TTC28: variants seen among roughly 807,000 people sequenced by gnomAD.
TTC28 encodes tetratricopeptide repeat protein 28.
A neutral mutation model predicts 198.0 loss-of-function variants in TTC28; 61 were observed. The observed-to-expected ratio is 0.31, with a 90% CI of 0.25 to 0.38. The LOEUF (loss-of-function observed/expected upper bound fraction) is 0.38, where lower values mean the gene tolerates loss of function less well. TTC28 is among the 10% of genes least tolerant of loss of function. The pLI, the probability that TTC28 is intolerant of heterozygous loss-of-function variation, is 1.00. For missense variants in TTC28, 2,678 were observed against 3,164.0 expected, an observed-to-expected ratio of 0.85 and a Z score of 3.69; for synonymous variants, 1,171 against 1,297.8, an observed-to-expected ratio of 0.90 and a Z score of 2.10.
chr22:28,633,620 C>T (rs1017671719), intron 1 of TTC28, among the ~76,000 whole-genome samples: 5 of 152,194 alleles, frequency 3.3e-5, no homozygotes, highest in African/African-American at 1.2e-4. Flanking sequence ...CAAGCAAGAC[C>T]CTGTCTCAGA....
intron 6 of TTC28, among the ~76,000 whole-genome samples, chr22:28,132,027 T>C (rs758744312): frequency 9.2e-5 from 14 of 152,214 alleles, no homozygotes; most frequent in Middle Eastern, 3.4e-3. Flanking sequence ...AGGCAAACCA[T>C]TGGTGTTGTG....
intron 2 of TTC28, among the ~76,000 whole-genome samples, chr22:28,552,363 C>T (rs1003659730): frequency 2.0e-5 from 3 of 151,936 alleles, no homozygotes; most frequent in African/African-American, 4.8e-5. Flanking sequence ...TAAATCTTCA[C>T]GGAACGAGAA....
intron 10 of TTC28, among the ~76,000 whole-genome samples, chr22:28,097,363 T>A (rs1942008506): frequency 6.6e-6 from 1 of 152,212 alleles, no homozygotes; most frequent in Non-Finnish European, 1.5e-5. Flanking sequence ...AGTAATGTTG[T>A]TGGAGCTGAT....
At chr22:28,286,389 TA>T (rs1274342425) in intron 5 of TTC28, among the ~76,000 whole-genome samples, 2 of 152,176 alleles carry the variant, frequency 1.3e-5, no homozygotes, top group Non-Finnish European at 2.9e-5. Flanking sequence ...TTAAACAATA[TA>T]AAAAATTAAT....
chr22:28,010,234 T>C (rs35098100), intron 14 of TTC28, among the ~76,000 whole-genome samples: 5,731 of 152,302 alleles, frequency 0.038, 175 homozygotes, highest in South Asian at 0.055. Flanking sequence ...CTTTTCCCAG[T>C]GTATAAAGGC....
At chr22:28,446,482 G>A (rs1181806672) in intron 2 of TTC28, among the ~76,000 whole-genome samples, 1 of 152,110 alleles carries the variant, frequency 6.6e-6, no homozygotes, top group African/African-American at 2.4e-5. Context: ...TCATGGGGCT[G>A]GATCCCTCAT....
intron 2 of TTC28, among the ~76,000 whole-genome samples, chr22:28,328,562 T>C (rs1181519755): frequency 2.0e-5 from 3 of 151,712 alleles, no homozygotes; most frequent in African/African-American, 7.3e-5. Context: ...AAGACCAGCC[T>C]GGCCAACCCG....
At chr22:28,658,101 A>G (rs1168761243) in intron 1 of TTC28, among the ~76,000 whole-genome samples, 2 of 152,218 alleles carry the variant, frequency 1.3e-5, no homozygotes, top group Non-Finnish European at 2.9e-5. Context: ...CAAAAGGCCA[A>G]TGTTAAAATA....
chr22:28,396,372 T>G (rs768104659), intron 2 of TTC28, among the ~76,000 whole-genome samples: 4 of 152,222 alleles, frequency 2.6e-5, no homozygotes, highest in South Asian at 4.1e-4. Context: ...CCACTGGCTG[T>G]CTGTTCATAC....
chr22:28,391,731 T>TTA (rs1051049425), intron 2 of TTC28, among the ~76,000 whole-genome samples: 1 of 152,218 alleles, frequency 6.6e-6, no homozygotes, highest in Non-Finnish European at 1.5e-5. Context: ...GTTATTCTAG[T>TTA]TATACGTTCT....
At chr22:28,000,160 A>C (rs1257961101) in intron 15 of TTC28, 1 of 152,206 alleles carries the variant, frequency 6.6e-6, no homozygotes, top group East Asian at 1.9e-4. Context: ...TGGGATTCAG[A>C]ATCAGCTATG....
chr22:28,080,943 G>T (rs996398813), intron 12 of TTC28, among the ~76,000 whole-genome samples: 1 of 151,994 alleles, frequency 6.6e-6, no homozygotes, highest in Non-Finnish European at 1.5e-5. Context: ...TGAAGAAATT[G>T]TTCTCTCCCC....
chr22:28,187,038 G>T (rs1300996443), intron 5 of TTC28, among the ~76,000 whole-genome samples: 1 of 152,178 alleles, frequency 6.6e-6, no homozygotes, highest in Non-Finnish European at 1.5e-5. Flanking sequence ...ATAAAGAACA[G>T]GAGGGTAAAT....
chr22:28,135,455 G>A (rs749407765), intron 6 of TTC28, among the ~76,000 whole-genome samples: 3 of 152,112 alleles, frequency 2.0e-5, no homozygotes, highest in Admixed American at 6.5e-5. Context: ...GGAGTAAAAC[G>A]CCAGAGCTAG....
At chr22:28,525,325 A>G (rs974265759) in intron 2 of TTC28, among the ~76,000 whole-genome samples, 6 of 152,018 alleles carry the variant, frequency 3.9e-5, no homozygotes, top group Non-Finnish European at 8.8e-5. Context: ...GCTAACTTTT[A>G]TATTATTTTA....
chr22:28,189,881 G>A (rs2057455064), intron 5 of TTC28, among the ~76,000 whole-genome samples: 1 of 152,106 alleles, frequency 6.6e-6, no homozygotes, highest in Non-Finnish European at 1.5e-5. Context: ...AAAAAAGAGT[G>A]CCATCATAAT....
At chr22:28,572,465 G>C (rs2050079128) in intron 2 of TTC28, among the ~76,000 whole-genome samples, 1 of 152,132 alleles carries the variant, frequency 6.6e-6, no homozygotes, top group South Asian at 2.1e-4. Context: ...GATTGAAAAT[G>C]AACAAATTAT....
At chr22:28,062,413 CTTTT>C (rs57398979) in intron 12 of TTC28, among the ~76,000 whole-genome samples, 30 of 102,312 alleles carry the variant, frequency 2.9e-4, no homozygotes, top group African/African-American at 9.5e-4. Context: ...TTTAACTCTT[CTTTT>C]TTTTTTTTTT....
chr22:28,087,482 C>T (rs957087473), intron 12 of TTC28, among the ~76,000 whole-genome samples: 2 of 152,100 alleles, frequency 1.3e-5, no homozygotes, highest in African/African-American at 4.8e-5. Flanking sequence ...TAAAAAGTCT[C>T]AATAAATTAG....
Sources: gnomAD v4.1 joint callset for allele counts (sites outside exome capture counted in the v4.1 genomes callset) on GRCh38, gnomAD v4.1.1 for gene constraint, MANE v1.5 for transcripts, NCBI Gene and HGNC (gene_info 2026-07-23, HGNC 2026-07-21) for gene names.